The following TRMT11 variants were observed in gnomAD, a reference collection of about 807,000 sequenced individuals.
TRMT11 encodes tRNA (guanine(10)-N(2))-methyltransferase TRMT11.
In TRMT11, 53 loss-of-function variants were observed where a neutral mutation model predicts 62.8. The ratio of observed to expected loss-of-function variants is 0.84; its 90% CI spans 0.68 to 1.06. TRMT11 has a LOEUF of 1.06. Ranked by LOEUF, TRMT11 falls within the 50% of genes least tolerant of loss-of-function variation. The probability of loss-of-function intolerance (pLI) is 0.00; values close to 1 mark genes in which losing one functional copy is unlikely to be tolerated. For missense variants in TRMT11, 556 were observed against 553.4 expected (o/e 1.00, Z -0.05); for synonymous variants, 188 against 190.3 (o/e 0.99, Z 0.10).
At chr6:126,262,850 C>T in the TRMT11 span, among the ~76,000 whole-genome samples, 2 of 152,162 alleles carry the variant, frequency 1.3e-5, no homozygotes, top group Non-Finnish European at 2.9e-5. Context: ...CTGTCCTGGG[C>T]TTCTGTGCTC....
At chr6:126,123,182 T>C (rs572284233) in intron 21 of TRMT11, among the ~76,000 whole-genome samples, 89 of 152,214 alleles carry the variant, frequency 5.8e-4, no homozygotes, top group African/African-American at 2.0e-3. Context: ...TAGTAAGCCC[T>C]CAACAAAAGC....
At chr6:126,116,134 C>G (rs1777584426) in intron 21 of TRMT11, among the ~76,000 whole-genome samples, 1 of 151,382 alleles carries the variant, frequency 6.6e-6, no homozygotes, top group South Asian at 2.1e-4. Context: ...AATGCCTTCT[C>G]ATTTAACAAC....
At chr6:126,093,611 A>ATTTTTTTTTTTTTTT (rs1777302749) in intron 17 of TRMT11, among the ~76,000 whole-genome samples, 1 of 89,850 alleles carries the variant, frequency 1.1e-5, no homozygotes, top group African/African-American at 7.9e-5. Flanking sequence ...ATATATATAT[A>ATTTTTTTTTTTTTTT]TATATATATA....
intron 17 of TRMT11, among the ~76,000 whole-genome samples, chr6:126,078,034 C>G (rs1035613094): frequency 6.6e-6 from 1 of 152,148 alleles, no homozygotes; most frequent in Admixed American, 6.5e-5. Flanking sequence ...CATCACCCCA[C>G]TGAGGAAACA....
chr6:126,177,649 C>T (rs9491570), intron 1 of TRMT11, among the ~76,000 whole-genome samples: 18,102 of 152,052 alleles, frequency 0.12, 3,568 homozygotes, highest in African/African-American at 0.41. Flanking sequence ...TGGTAAATTA[C>T]CATTTTTGGT....
chr6:126,090,276 C>T (rs1777259740), intron 17 of TRMT11, among the ~76,000 whole-genome samples: 1 of 152,106 alleles, frequency 6.6e-6, no homozygotes, highest in Non-Finnish European at 1.5e-5. Context: ...GTTTTTTGAT[C>T]CTTGTATCCC....
chr6:126,095,543 T>C (rs1342555631), intron 17 of TRMT11, among the ~76,000 whole-genome samples: 1 of 152,216 alleles, frequency 6.6e-6, no homozygotes, highest in Non-Finnish European at 1.5e-5. Flanking sequence ...TGGCTTTCAA[T>C]GTAGATCACG....
At chr6:126,000,394 T>C (rs2128769619) in intron 7 of TRMT11, among the ~76,000 whole-genome samples, 1 of 152,238 alleles carries the variant, frequency 6.6e-6, no homozygotes, top group South Asian at 2.1e-4. Context: ...AGCTAACGTT[T>C]ATTGAATAGT....
chr6:126,262,349 G>T, the TRMT11 span, among the ~76,000 whole-genome samples: 2 of 152,318 alleles, frequency 1.3e-5, no homozygotes, highest in East Asian at 3.9e-4. Flanking sequence ...TATTCTCACT[G>T]CACAGGTATA....
At position 126,038,722 on chromosome 6, in the gene TRMT11, A is replaced by C; in HGVS notation, c.1278A>C (p.Ser426=). The change falls in exon 13 of 13, where the codon TCA becomes TCC. Residue 426 remains serine, a synonymous_variant. Transcript: ENST00000334379. ...VKKFENRDQY[S]HLLSDHFLPY... ...CCAAACAGAATCGGGACCAGTATTCACATCTGCTAAGTGATCATTTTCTGC... is the reference window on the plus strand; with the variant it reads ...CCAAACAGAATCGGGACCAGTATTCCCATCTGCTAAGTGATCATTTTCTGC... 1 of 1,583,654 alleles carries C rather than the reference A, an allele frequency of 6.3e-7. No individual in the cohort carries two copies. Among genetic ancestry groups the C allele is most frequent in the African/African-American group, 1.4e-5 (1 of 72,906 alleles).
chr6:126,012,662 ATGT>A, intron 9 of TRMT11, 106 bp from the exon 10 acceptor site: 1 of 699,222 alleles, frequency 1.4e-6, no homozygotes, highest in Non-Finnish European at 2.5e-6. Flanking sequence ...TGCATTGGTG[ATGT>A]TGTGTTCTTC....
intron 1 of TRMT11, 68 bp from the exon 2 acceptor site, chr6:125,993,689 G>C (rs1032664352): frequency 5.0e-6 from 5 of 991,454 alleles, no homozygotes; most frequent in Admixed American, 1.9e-5. Flanking sequence ...TGTAATACCT[G>C]TCTCCCTTAG....
chr6:126,239,530 T>C, the TRMT11 span, among the ~76,000 whole-genome samples: 1 of 152,220 alleles, frequency 6.6e-6, no homozygotes, highest in South Asian at 2.1e-4. Flanking sequence ...ATGTTGAATA[T>C]TGGCCCCCAC....
At chr6:126,052,880 A>G (rs1429304674) in intron 16 of TRMT11, among the ~76,000 whole-genome samples, 1 of 152,224 alleles carries the variant, frequency 6.6e-6, no homozygotes, top group African/African-American at 2.4e-5. Context: ...TGTCTTTCTG[A>G]ACCCAAAGAG....
the TRMT11 span, among the ~76,000 whole-genome samples, chr6:126,247,088 T>C: frequency 1.3e-5 from 2 of 152,174 alleles, no homozygotes; most frequent in Non-Finnish European, 2.9e-5. Context: ...ATGGTTGTTC[T>C]CCAAACAGCT....
intron 16 of TRMT11, among the ~76,000 whole-genome samples, chr6:126,044,919 C>G (rs1363011726): frequency 6.6e-6 from 1 of 152,180 alleles, no homozygotes; most frequent in Non-Finnish European, 1.5e-5. Flanking sequence ...GGCACAGTGG[C>G]TCATGCCTGT....
the TRMT11 span, among the ~76,000 whole-genome samples, chr6:126,230,680 G>T: frequency 3.9e-5 from 6 of 152,098 alleles, no homozygotes; most frequent in African/African-American, 1.4e-4. Flanking sequence ...TTTACTAGGA[G>T]GAGAAGATAT....
intron 12 of TRMT11, among the ~76,000 whole-genome samples, chr6:126,035,202 T>G (rs968975645): frequency 6.6e-6 from 1 of 152,150 alleles, no homozygotes; most frequent in Non-Finnish European, 1.5e-5. Context: ...TTATATGTGA[T>G]ATGTGTTGGA....
intron 21 of TRMT11, among the ~76,000 whole-genome samples, chr6:126,128,881 A>G (rs1777748513): frequency 6.6e-6 from 1 of 151,862 alleles, no homozygotes; most frequent in African/African-American, 2.4e-5. Context: ...CACAGCAGAA[A>G]AGAAAATGCA....
Sources: allele counts gnomAD v4.1 joint callset (sites outside exome capture counted in the v4.1 genomes callset), GRCh38; gene constraint gnomAD v4.1.1; transcripts MANE v1.5; gene names NCBI Gene and HGNC (gene_info 2026-07-23, HGNC 2026-07-21).